Variants in CIMIP1 observed in about 807,000 individuals in gnomAD.
The protein encoded by CIMIP1 is low in lung cancer 1.
At chr20:58,152,910 T>C in the CIMIP1 span, among the ~76,000 whole-genome samples, 2 of 152,042 alleles carry the variant, frequency 1.3e-5, no homozygotes, top group African/African-American at 4.8e-5. Flanking sequence ...TCTCCGAAAC[T>C]GTGGGGTAGG....
chr20:58,160,490 G>A, the CIMIP1 span, among the ~76,000 whole-genome samples: 10 of 152,248 alleles, frequency 6.6e-5, no homozygotes, highest in African/African-American at 2.2e-4. Flanking sequence ...CTCACTTCCC[G>A]GAAAGATGAG....
chr20:58,153,310 CG>C, the CIMIP1 span, among the ~76,000 whole-genome samples: 2 of 152,150 alleles, frequency 1.3e-5, no homozygotes, highest in Non-Finnish European at 2.9e-5. Flanking sequence ...GGCCCTTACC[CG>C]GCATTCCCTC....
the CIMIP1 span, among the ~76,000 whole-genome samples, chr20:58,158,359 A>G: frequency 6.6e-6 from 1 of 152,212 alleles, no homozygotes; most frequent in South Asian, 2.1e-4. Context: ...TGCCCAAGAA[A>G]TGGTAATGGT....
At chr20:58,158,207 G>C in the CIMIP1 span, among the ~76,000 whole-genome samples, 1 of 152,350 alleles carries the variant, frequency 6.6e-6, no homozygotes, top group Middle Eastern at 3.4e-3. Flanking sequence ...TCTCCTGTGA[G>C]AGACTCCTGT....
the CIMIP1 span, among the ~76,000 whole-genome samples, chr20:58,154,083 C>T: frequency 5.9e-4 from 90 of 152,332 alleles, no homozygotes; most frequent in Admixed American, 2.0e-3. Flanking sequence ...GCTATGGACA[C>T]CTCACCTGGC....
At chr20:58,155,400 G>A in the CIMIP1 span, 3 of 1,315,880 alleles carry the variant, frequency 2.3e-6, no homozygotes, top group Non-Finnish European at 3.2e-6. Flanking sequence ...CCGTCTCTGG[G>A]GATTCTGTTT....
At chr20:58,154,304 C>A in the CIMIP1 span, among the ~76,000 whole-genome samples, 2 of 152,316 alleles carry the variant, frequency 1.3e-5, no homozygotes, top group African/African-American at 4.8e-5. Context: ...CAAGTGAAAC[C>A]ATATGGGAAA....
the CIMIP1 span, chr20:58,155,693 G>A: frequency 4.0e-6 from 3 of 752,578 alleles, no homozygotes; most frequent in Non-Finnish European, 6.5e-6. Flanking sequence ...GAGCACAGCA[G>A]TGCCAGGTGC....
At chr20:58,161,073 T>C in the CIMIP1 span, 3 of 335,052 alleles carry the variant, frequency 9.0e-6, no homozygotes, top group East Asian at 1.4e-4. Flanking sequence ...TTGTTTTTGA[T>C]ACCTTGGGAA....
the CIMIP1 span, among the ~76,000 whole-genome samples, chr20:58,158,768 TA>T: frequency 1.3e-5 from 2 of 152,172 alleles, no homozygotes; most frequent in African/African-American, 4.8e-5. Flanking sequence ...CCTTGATACC[TA>T]AAAGGGCATC....
At chr20:58,153,452 CCAGT>C in the CIMIP1 span, 1 of 949,984 alleles carries the variant, frequency 1.1e-6, no homozygotes, top group Non-Finnish European at 1.7e-6. Context: ...GAACCACTGC[CCAGT>C]CAATGTTCGT....
At chr20:58,160,620 T>C in the CIMIP1 span, 1 of 1,590,712 alleles carries the variant, frequency 6.3e-7, no homozygotes, top group Non-Finnish European at 8.6e-7. Flanking sequence ...CTCGTGTCTC[T>C]GTGGCCGAAG....
chr20:58,151,179 G>T, the CIMIP1 span: 1 of 722,062 alleles, frequency 1.4e-6, no homozygotes, highest in Non-Finnish European at 2.3e-6. Flanking sequence ...ATGGTCAGGG[G>T]CCTTGAGGAA....
the CIMIP1 span, among the ~76,000 whole-genome samples, chr20:58,157,775 G>C: frequency 2.0e-5 from 3 of 152,228 alleles, no homozygotes; most frequent in African/African-American, 7.2e-5. Context: ...GCCTACAAAG[G>C]TGATTGTTCA....
At chr20:58,151,890 A>G in the CIMIP1 span, among the ~76,000 whole-genome samples, 44 of 152,336 alleles carry the variant, frequency 2.9e-4, no homozygotes, top group Admixed American at 2.5e-3. Context: ...TTTAATTGGC[A>G]TGCTATCTGC....
the CIMIP1 span, among the ~76,000 whole-genome samples, chr20:58,155,308 A>G: frequency 2.0e-5 from 3 of 152,236 alleles, no homozygotes; most frequent in East Asian, 5.8e-4. Context: ...TCCCATTTCC[A>G]TGCCCCACTT....
the CIMIP1 span, chr20:58,153,663 C>A: frequency 7.4e-7 from 1 of 1,354,578 alleles, no homozygotes; most frequent in Non-Finnish European, 1.1e-6. Flanking sequence ...GTTACAGAAT[C>A]AATCATTTCA....
At chr20:58,156,508 TAGA>T in the CIMIP1 span, among the ~76,000 whole-genome samples, 8 of 151,888 alleles carry the variant, frequency 5.3e-5, no homozygotes, top group African/African-American at 1.9e-4. Context: ...GTGGGCAGGC[TAGA>T]AGAAGGAGTT....
chr20:58,160,172 T>A, the CIMIP1 span, among the ~76,000 whole-genome samples: 1 of 152,238 alleles, frequency 6.6e-6, no homozygotes, highest in Admixed American at 6.5e-5. Flanking sequence ...TAGAAGCCCA[T>A]TTTCCTTTTG....
Sources: gnomAD v4.1 joint callset for allele counts (sites outside exome capture counted in the v4.1 genomes callset) on GRCh38, gnomAD v4.1.1 for gene constraint, MANE v1.5 for transcripts, NCBI Gene and HGNC (gene_info 2026-07-23, HGNC 2026-07-21) for gene names.